The following ALS2 variants were observed in gnomAD, a reference collection of about 807,000 sequenced individuals.
ALS2 encodes the protein alsin.
In ALS2, 117 loss-of-function variants were observed where a neutral mutation model predicts 203.4. That is an observed-to-expected ratio of 0.58 (90% CI 0.50 to 0.67). The LOEUF is 0.67. Among genes scored for constraint, ALS2 ranks in the 30% least tolerant of loss-of-function variants. ALS2 has a pLI of 0.00. For synonymous variants in ALS2, 718 were observed against 725.9 expected (o/e 0.99, Z 0.17); for missense variants, 1,715 against 1,989.4 (o/e 0.86, Z 2.62).
chr2:201,739,545 C>T (rs902377489), intron 11 of ALS2, among the ~76,000 whole-genome samples: 3 of 151,812 alleles, frequency 2.0e-5, no homozygotes, highest in African/African-American at 7.3e-5. Context: ...GAGTTCGAGA[C>T]CAGCCTGGCC....
chr2:201,718,028 C>T (rs774037256), intron 24 of ALS2, 49 bp downstream of exon 24: 3 of 1,595,448 alleles, frequency 1.9e-6, no homozygotes, highest in Admixed American at 1.7e-5. Flanking sequence ...AAAAGCAAGA[C>T]AACTCCAAAC....
intron 26 of ALS2, 21 bp downstream of exon 26, chr2:201,710,970 G>A: frequency 2.2e-6 from 3 of 1,394,004 alleles, no homozygotes; most frequent in Middle Eastern, 1.8e-4. Flanking sequence ...CAAGACCAAT[G>A]TAATTTTTAC....
At chr2:201,748,639 A>T (rs1692825035) in intron 8 of ALS2, among the ~76,000 whole-genome samples, 1 of 111,582 alleles carries the variant, frequency 9.0e-6, no homozygotes, top group African/African-American at 2.6e-5. Context: ...AGGAACAATG[A>T]TTTGCAATAT....
intron 3 of ALS2, among the ~76,000 whole-genome samples, 158 bp from the exon 4 acceptor site, chr2:201,761,976 A>AT (rs559853053): frequency 5.3e-5 from 8 of 152,214 alleles, no homozygotes; most frequent in Non-Finnish European, 1.2e-4. Context: ...AGCACACAGT[A>AT]TTTCACATTA....
intron 6 of ALS2, 71 bp downstream of exon 6, chr2:201,754,432 T>A (rs1291403076): frequency 3.0e-5 from 48 of 1,591,682 alleles, no homozygotes; most frequent in Non-Finnish European, 3.9e-5. Flanking sequence ...AAAGTGAGAT[T>A]TAGAGACCTT....
chr2:201,746,403 G>A (rs1204724840), intron 9 of ALS2, among the ~76,000 whole-genome samples, 163 bp downstream of exon 9: 2 of 152,222 alleles, frequency 1.3e-5, no homozygotes, highest in African/African-American at 4.8e-5. Context: ...GCCCTTTGGA[G>A]AGAGAAGATA....
chr2:201,708,635 T>C (rs527386021), intron 27 of ALS2, among the ~76,000 whole-genome samples: 1 of 152,330 alleles, frequency 6.6e-6, no homozygotes, highest in East Asian at 1.9e-4. Flanking sequence ...TTTTAAAACT[T>C]GCTGAAAATT....
At chr2:201,725,308 T>A (rs1445616360) in intron 20 of ALS2, 48 bp downstream of exon 20, 1 of 1,495,708 alleles carries the variant, frequency 6.7e-7, no homozygotes, top group African/African-American at 1.4e-5. Context: ...CAGGTTTACA[T>A]GGTTATATGA....
At chr2:201,770,624 G>T (rs1694332207) in intron 1 of ALS2, among the ~76,000 whole-genome samples, 1 of 152,182 alleles carries the variant, frequency 6.6e-6, no homozygotes, top group South Asian at 2.1e-4. Flanking sequence ...CCTTAAGATA[G>T]AAAGATTATC....
chr2:201,765,843 A>G (rs1694050603), intron 3 of ALS2: 1 of 167,124 alleles, frequency 6.0e-6, no homozygotes, highest in African/African-American at 2.4e-5. Context: ...AAAAAAAATT[A>G]TATTGAGAAA....
chr2:201,760,710 G>T (rs777547483), intron 4 of ALS2, 171 bp downstream of exon 4: 6 of 1,421,244 alleles, frequency 4.2e-6, no homozygotes, highest in Non-Finnish European at 5.5e-6. Flanking sequence ...GAGTGATTTT[G>T]AATTAATCCA....
At chr2:201,768,251 T>C (rs1441236815) in intron 2 of ALS2, among the ~76,000 whole-genome samples, 1 of 152,194 alleles carries the variant, frequency 6.6e-6, no homozygotes, top group African/African-American at 2.4e-5. Flanking sequence ...ATTCTACACA[T>C]CTGATGATTT....
chr2:201,717,276 C>T (rs1194443176), intron 24 of ALS2, among the ~76,000 whole-genome samples: 1 of 151,836 alleles, frequency 6.6e-6, no homozygotes, highest in East Asian at 1.9e-4. Context: ...ACCAGCCTGG[C>T]CAACATGGTG....
intron 5 of ALS2, among the ~76,000 whole-genome samples, chr2:201,756,684 A>G (rs546436422): frequency 2.0e-5 from 3 of 152,280 alleles, no homozygotes; most frequent in Admixed American, 6.5e-5. Context: ...TACAAACCTT[A>G]AAATATTTCT....
intron 7 of ALS2, 57 bp downstream of exon 7, chr2:201,753,089 A>G: frequency 7.5e-7 from 1 of 1,333,766 alleles, no homozygotes; most frequent in Non-Finnish European, 1.1e-6. Flanking sequence ...GGGTCCAACA[A>G]TGTCATGTTG....
intron 23 of ALS2, among the ~76,000 whole-genome samples, chr2:201,719,732 C>T (rs542683484): frequency 6.6e-5 from 10 of 152,352 alleles, no homozygotes; most frequent in Admixed American, 2.6e-4. Context: ...CCTTGATCTT[C>T]GACTTCCCAG....
intron 5 of ALS2, among the ~76,000 whole-genome samples, chr2:201,756,060 C>T (rs1693365725): frequency 6.6e-6 from 1 of 152,028 alleles, no homozygotes; most frequent in Admixed American, 6.6e-5. Flanking sequence ...GAAAAGAGTA[C>T]ATGTAAAATT....
chr2:201,715,208 C>A (rs556189175), intron 25 of ALS2, among the ~76,000 whole-genome samples: 1 of 152,266 alleles, frequency 6.6e-6, no homozygotes, highest in Admixed American at 6.5e-5. Flanking sequence ...AGAAAAAAGA[C>A]AGAAAGAAAA....
intron 30 of ALS2, 99 bp downstream of exon 30, chr2:201,705,317 G>A (rs1172699432): frequency 2.7e-6 from 4 of 1,459,334 alleles, no homozygotes; most frequent in Non-Finnish European, 3.8e-6. Context: ...CACAAGCTTG[G>A]GTACTGTTCT....
Sources: allele counts gnomAD v4.1 joint callset (sites outside exome capture counted in the v4.1 genomes callset), GRCh38; gene constraint gnomAD v4.1.1; transcripts MANE v1.5; gene names NCBI Gene and HGNC (gene_info 2026-07-23, HGNC 2026-07-21).